PDXK: variants seen among roughly 807,000 people sequenced by gnomAD.
The protein encoded by PDXK is pyridoxal kinase, also known as epididymis secretory sperm binding protein Li 1a.
A neutral mutation model predicts 43.2 loss-of-function variants in PDXK; 15 were observed. That is an observed-to-expected ratio of 0.35 (90% CI 0.23 to 0.53). The LOEUF (loss-of-function observed/expected upper bound fraction) is 0.53. Among genes scored for constraint, PDXK ranks in the 20% least tolerant of loss-of-function variants. The probability of loss-of-function intolerance (pLI) is 0.92; values close to 1 mark genes in which losing one functional copy is unlikely to be tolerated. For missense variants in PDXK, 343 were observed against 417.0 expected, an observed-to-expected ratio of 0.82 and a Z score of 1.54; for synonymous variants, 172 against 165.4, an observed-to-expected ratio of 1.04 and a Z score of -0.31.
chr21:43,732,685 C>T lies in PDXK; in HGVS notation c.88-1384C>T, dbSNP rs775234469. 2 of 773,826 alleles carry T rather than the reference C, an allele frequency of 2.6e-6. No homozygotes were observed. The highest frequency in any genetic ancestry group is 2.7e-5 in the South Asian group (2 of 74,354). 47.9% of individuals were successfully genotyped at this position (773,826 alleles called of 1,614,324 possible). On this transcript the variant is annotated intron_variant, in intron 1 of 10. Transcript: ENST00000291565. This position sits in a 1 kb window ranked among gnomAD's most constrained non-coding sequence, Gnocchi z 4.1. ...AAGGATTTGAAATACTGCAAGCTAT[C>T]TGTGTATAGAGGCTGTGGATTCGGG...
intron 3 of PDXK, among the ~76,000 whole-genome samples, 195 bp downstream of exon 3, chr21:43,741,966 C>A (rs1043107393): frequency 2.0e-5 from 3 of 152,074 alleles, no homozygotes; most frequent in Non-Finnish European, 2.9e-5. Context: ...CCTGCCGGGA[C>A]AATGACTGCC....
intron 2 of PDXK, 100 bp from the exon 3 acceptor site, chr21:43,741,567 C>A: frequency 6.5e-7 from 1 of 1,547,130 alleles, no homozygotes. Flanking sequence ...AGGAGCCGTC[C>A]ACCAGGCAGC....
At chr21:43,755,860 G>A (rs1476213815) in intron 10 of PDXK, 91 bp from the exon 11 acceptor site, 13 of 1,435,234 alleles carry the variant, frequency 9.1e-6, no homozygotes, top group Admixed American at 5.0e-5. Context: ...AGGTGTGATC[G>A]GTGTCTCCTG....
chr21:43,740,840 G>C (rs368810296), intron 2 of PDXK, among the ~76,000 whole-genome samples: 19 of 151,632 alleles, frequency 1.3e-4, no homozygotes, highest in African/African-American at 4.3e-4. Context: ...AAGCTTGTTG[G>C]GGAGGAGTTG....
At chr21:43,728,954 A>G (rs1286602697) in intron 1 of PDXK, 1 of 985,376 alleles carries the variant, frequency 1.0e-6, no homozygotes, top group Non-Finnish European at 1.2e-6. Flanking sequence ...CCCAGGGCAG[A>G]GTGTAGCCAT....
chr21:43,743,830 G>A, intron 4 of PDXK, 23 bp downstream of exon 4: 3 of 1,566,214 alleles, frequency 1.9e-6, no homozygotes, highest in Non-Finnish European at 2.6e-6. Context: ...CCACCCTCGG[G>A]TCTGGCTGTG....
intron 1 of PDXK, chr21:43,728,999 G>T (rs117867619): frequency 0.019 from 18,368 of 985,616 alleles, 203 homozygotes; most frequent in Middle Eastern, 0.042. Flanking sequence ...GAGACGGGGC[G>T]CACGCCTGCA....
Position 43,732,057 on chromosome 21 carries a change from ACG to A in PDXK, c.88-2011_88-2010del, listed in dbSNP as rs1451694319. On this transcript the variant is annotated intron_variant, in intron 1 of 10. Coordinates refer to ENST00000291565, the MANE Select transcript of PDXK (RefSeq NM_003681.5). This position sits in a 1 kb window ranked among gnomAD's most constrained non-coding sequence, Gnocchi z 4.1. ...GATTCCGCTGCTGCTATGGGAAGGG[ACG>A]GTCACTACCGCTGCCCCTGTGGGGA... 3.4e-5 allele frequency: 27 copies of A among 802,222 alleles called. No individual in the cohort carries two copies. The highest frequency in any genetic ancestry group is 4.0e-5 in the Non-Finnish European group (25 of 620,320). 49.7% of individuals were successfully genotyped at this position (802,222 alleles called of 1,614,324 possible). A position where few individuals can be genotyped will look rare whatever the true frequency, so the allele number is the denominator to read the frequency against.
chr21:43,753,756 C>G (rs1253519080), intron 9 of PDXK, 37 bp downstream of exon 9: 2 of 1,579,780 alleles, frequency 1.3e-6, no homozygotes, highest in African/African-American at 1.3e-5. Flanking sequence ...TCGCCCACTC[C>G]CACGGCACCT....
At chr21:43,736,377 C>T (rs2083402062) in intron 2 of PDXK, among the ~76,000 whole-genome samples, 1 of 152,166 alleles carries the variant, frequency 6.6e-6, no homozygotes, top group African/African-American at 2.4e-5. Context: ...CGTGCGTGCC[C>T]AGGACCAGCT....
At chr21:43,719,754 C>T in intron 1 of PDXK, 1 of 985,468 alleles carries the variant, frequency 1.0e-6, no homozygotes, top group African/African-American at 1.7e-5. Flanking sequence ...TCGCAGAGCC[C>T]CGAGGAGTCC....
intron 1 of PDXK, chr21:43,733,690 A>G: frequency 2.8e-6 from 3 of 1,088,938 alleles, no homozygotes; most frequent in Non-Finnish European, 3.4e-6. Flanking sequence ...GCCTCTGTTC[A>G]GTGTGTGGAC....
rs543265655 is a variant in PDXK at position 43,747,387 on chromosome 21, C to A, written c.378+1262C>A. Among the ~76,000 whole-genome samples, 15 of 152,376 alleles carry A rather than the reference C, an allele frequency of 9.8e-5. No homozygotes were observed. In the South Asian group the frequency reaches 3.1e-3, roughly 32 times the overall value. ...TCGTTGTGTCTAGGGTGTCTGTTTG[C>A]TTGCTGTATATTCACTGAGCACAGC... is the stretch of plus-strand genomic sequence containing the variant. On this transcript the variant is annotated intron_variant, in intron 5 of 10. Transcript: ENST00000291565.
In PDXK at chr21:43,719,268, C is replaced by T. The variant is rs754701465; in HGVS notation, c.-27C>T. On this transcript the variant is annotated 5_prime_UTR_variant, in exon 1 of 11. Coordinates refer to ENST00000291565, the MANE Select transcript of PDXK (RefSeq NM_003681.5). Reference sequence around the variant, plus strand: ...GGCGGAGACCGTGCCCCCGCCTCGGCCCCGCGCCGCCGCGGCCAGGCCCGG... The same window carrying T: ...GGCGGAGACCGTGCCCCCGCCTCGGTCCCGCGCCGCCGCGGCCAGGCCCGG... The T allele has an allele frequency of 6.5e-6, 9 of 1,385,966 alleles. No individual in the cohort carries two copies. The highest frequency in any genetic ancestry group is 2.5e-4 in the Middle Eastern group (1 of 3,938). 85.9% of individuals were successfully genotyped at this position (1,385,966 alleles called of 1,614,324 possible). A position where few individuals can be genotyped will look rare whatever the true frequency, so the allele number is the denominator to read the frequency against.
rs1010080613 is a variant in PDXK at position 43,759,382 on chromosome 21, G to A, written c.*3319G>A. ...TAGTTTAACTATGCAAAGAGAGGAG[G>A]TTGAGAGTGTTCTGGCAGCTGGAGC... On this transcript the variant is annotated 3_prime_UTR_variant, in exon 11 of 11. Transcript: ENST00000291565. The A allele has an allele frequency of 6.5e-6, 1 of 153,840 alleles. No homozygotes were observed. The highest frequency in any genetic ancestry group is 2.4e-5 in the African/African-American group (1 of 41,446). The allele number at this position is 153,840 out of a possible 1,614,324, so 9.5% of individuals were successfully genotyped here.
chr21:43,720,011 G>C, intron 1 of PDXK: 1 of 806,260 alleles, frequency 1.2e-6, no homozygotes, highest in Non-Finnish European at 1.5e-6. Flanking sequence ...ATCCCTGCAG[G>C]TGTTTGCTCT....
intron 2 of PDXK, among the ~76,000 whole-genome samples, chr21:43,739,762 C>T (rs570781449): frequency 6.6e-6 from 1 of 151,732 alleles, no homozygotes; most frequent in Admixed American, 6.6e-5. Flanking sequence ...GGGACACAGC[C>T]AGGCCATGTC....
At chr21:43,739,491 T>G (rs908983607) in intron 2 of PDXK, among the ~76,000 whole-genome samples, 2 of 152,168 alleles carry the variant, frequency 1.3e-5, no homozygotes, top group East Asian at 3.9e-4. Context: ...TCAGCAGAGC[T>G]GGGGAGGCCT....
chr21:43,745,731 T>G lies in PDXK; in HGVS notation c.332-348T>G, dbSNP rs557794056. ...AAAGAAAAAAGCCAAATGTGGTTGC[T>G]CACACCTGTGATCTGAGCACTTTGG... On this transcript the variant is annotated intron_variant, in intron 4 of 10. Transcript: ENST00000291565. 62 of 247,990 alleles carry G rather than the reference T, an allele frequency of 2.5e-4. 1 individual carries two copies. The highest frequency in any genetic ancestry group is 4.1e-4 in the Non-Finnish European group (52 of 128,032). The allele number at this position is 247,990 out of a possible 1,614,324, so 15.4% of individuals were successfully genotyped here.
Sources: gnomAD v4.1 joint callset for allele counts (sites outside exome capture counted in the v4.1 genomes callset) on GRCh38, gnomAD v4.1.1 for gene constraint, Gnocchi (gnomAD v3.1) non-coding constraint, MANE v1.5 for transcripts, NCBI Gene and HGNC (gene_info 2026-07-23, HGNC 2026-07-21) for gene names.